Variants in SPIRE1 observed in about 807,000 individuals in gnomAD.
The protein encoded by SPIRE1 is spire type actin nucleation factor 1, also known as protein spire homolog 1.
Under a neutral mutation model 94.1 loss-of-function variants are expected in SPIRE1, and 40 were observed. The ratio of observed to expected loss-of-function variants is 0.43; its 90% confidence interval spans 0.33 to 0.55. The LOEUF (loss-of-function observed/expected upper bound fraction) is 0.55. Ranked by LOEUF, SPIRE1 falls within the 20% of genes least tolerant of loss-of-function variation. The pLI is 0.06. For synonymous variants in SPIRE1, 376 were observed against 371.7 expected (o/e 1.01, Z -0.13); for missense variants, 838 against 975.2 (o/e 0.86, Z 1.87).
At chr18:12,535,402 G>T (rs1357490201) in intron 4 of SPIRE1, 74 bp downstream of exon 4, 2 of 1,478,748 alleles carry the variant, frequency 1.4e-6, no homozygotes, top group African/African-American at 2.8e-5. Context: ...TGAAAATTTA[G>T]GTTTCTCTTC....
chr18:12,584,360 G>A lies in SPIRE1; in HGVS notation c.373-37456C>T, dbSNP rs573949345. On this transcript the variant is annotated intron_variant, in intron 2 of 16. Transcript: ENST00000409402. ...CAGGAGAATCTCTTGAACCTGGGAG[G>A]CAGAGGTTGCAGTGAGCAGAGATAG... is the stretch of plus-strand genomic sequence containing the variant. Among the ~76,000 whole-genome samples the A allele has an allele frequency of 3.0e-4, 46 of 152,014 alleles. 1 individual carries two copies. Among genetic ancestry groups the A allele is most frequent in the Non-Finnish European group, 4.4e-4 (30 of 68,008 alleles).
At chr18:12,543,162 C>G (rs1433784182) in intron 3 of SPIRE1, among the ~76,000 whole-genome samples, 1 of 152,178 alleles carries the variant, frequency 6.6e-6, no homozygotes, top group Non-Finnish European at 1.5e-5. Flanking sequence ...AAATATTCTG[C>G]ATCTCCTAGT....
intron 4 of SPIRE1, among the ~76,000 whole-genome samples, chr18:12,523,766 C>A (rs982997227): frequency 6.6e-6 from 1 of 152,180 alleles, no homozygotes; most frequent in African/African-American, 2.4e-5. Flanking sequence ...ACATGGCAGC[C>A]TTGACCTCCC....
chr18:12,465,018 A>C, intron 10 of SPIRE1, 60 bp from the exon 11 acceptor site: 1 of 1,405,290 alleles, frequency 7.1e-7, no homozygotes, highest in Non-Finnish European at 9.9e-7. Context: ...AGTGCTACGT[A>C]ATAACATTTT....
At chr18:12,536,331 G>A (rs574572741) in intron 3 of SPIRE1, among the ~76,000 whole-genome samples, 28 of 152,202 alleles carry the variant, frequency 1.8e-4, no homozygotes, top group African/African-American at 6.3e-4. Flanking sequence ...ACTCTTCAAT[G>A]TACTGCTGAA....
intron 14 of SPIRE1, among the ~76,000 whole-genome samples, chr18:12,452,808 A>C (rs1226111959): frequency 1.3e-5 from 2 of 152,232 alleles, no homozygotes; most frequent in Non-Finnish European, 2.9e-5. Context: ...CAAACATGAC[A>C]TATTATTAGA....
chr18:12,488,445 T>A (rs72877231), intron 8 of SPIRE1, among the ~76,000 whole-genome samples: 4,700 of 152,256 alleles, frequency 0.031, 133 homozygotes, highest in East Asian at 0.092. Flanking sequence ...TACAGGCATA[T>A]CAGGCACAAT....
chr18:12,611,150 T>A (rs1404233989), intron 2 of SPIRE1, among the ~76,000 whole-genome samples: 1 of 152,150 alleles, frequency 6.6e-6, no homozygotes, highest in Non-Finnish European at 1.5e-5. Context: ...AAAAACTTGC[T>A]AGGGTCCCAC....
chr18:12,529,514 G>A lies in SPIRE1; in HGVS notation c.729+5962C>T, dbSNP rs183117890. 3.3e-5 allele frequency among the ~76,000 whole-genome samples: 5 copies of A among 152,300 alleles called. No individual in the cohort carries two copies. The East Asian group carries it at 5.8e-4, about 18-fold the overall frequency. On this transcript the variant is annotated intron_variant, in intron 4 of 16. Coordinates refer to ENST00000409402, the MANE Select transcript of SPIRE1 (RefSeq NM_001128626.2). Reference sequence around the variant, plus strand: ...AAGGAAGACAACACTTATAAGAAGCGTTTAATATGTCAAGAAACTAAGCAC... The same window carrying A: ...AAGGAAGACAACACTTATAAGAAGCATTTAATATGTCAAGAAACTAAGCAC...
At chr18:12,513,775 G>A (rs1311563349) in intron 4 of SPIRE1, among the ~76,000 whole-genome samples, 2 of 152,080 alleles carry the variant, frequency 1.3e-5, no homozygotes, top group South Asian at 4.2e-4. Flanking sequence ...CACCCGCCTC[G>A]GCCTCCCAAA....
intron 2 of SPIRE1, among the ~76,000 whole-genome samples, chr18:12,565,808 G>C (rs1220288600): frequency 6.6e-6 from 1 of 152,024 alleles, no homozygotes; most frequent in African/African-American, 2.4e-5. Flanking sequence ...GGCCGAGGCA[G>C]GCAGATCATG....
chr18:12,510,395 T>C (rs1266717437), intron 5 of SPIRE1, among the ~76,000 whole-genome samples: 1 of 152,136 alleles, frequency 6.6e-6, no homozygotes, highest in African/African-American at 2.4e-5. Context: ...TATATCTCAA[T>C]AAAAGTTAGA....
intron 3 of SPIRE1, among the ~76,000 whole-genome samples, chr18:12,542,331 T>A (rs1287647281): frequency 6.6e-6 from 1 of 152,206 alleles, no homozygotes; most frequent in Non-Finnish European, 1.5e-5. Flanking sequence ...CAGTATAGAT[T>A]TTGTACTTTC....
upstream of SPIRE1, chr18:12,661,815 T>C (rs1450748712): frequency 1.3e-5 from 2 of 156,710 alleles, no homozygotes; most frequent in African/African-American, 4.8e-5. Context: ...AATGCCTTTA[T>C]GTTCAGGATA....
At chr18:12,487,315 C>A (rs2033072841) in intron 8 of SPIRE1, among the ~76,000 whole-genome samples, 1 of 151,848 alleles carries the variant, frequency 6.6e-6, no homozygotes, top group African/African-American at 2.4e-5. Context: ...TGGTACTATC[C>A]ATGGTTTCAA....
chr18:12,596,194 A>T (rs76142165), intron 2 of SPIRE1, among the ~76,000 whole-genome samples: 2,287 of 152,342 alleles, frequency 0.015, 16 homozygotes, highest in Middle Eastern at 0.031. Flanking sequence ...AGCCATATAT[A>T]TTACCCAACT....
intron 6 of SPIRE1, among the ~76,000 whole-genome samples, chr18:12,504,806 G>A (rs2033776864): frequency 6.6e-6 from 1 of 152,154 alleles, no homozygotes; most frequent in Admixed American, 6.5e-5. Context: ...CTTTTCTAAT[G>A]TGGGAAAACT....
intron 2 of SPIRE1, among the ~76,000 whole-genome samples, chr18:12,626,730 C>T (rs536755535): frequency 1.1e-4 from 17 of 152,086 alleles, no homozygotes; most frequent in African/African-American, 3.9e-4. Flanking sequence ...CTGGCTATGT[C>T]GGCTTGGGCA....
chr18:12,450,104 G>A (rs1454940448), intron 16 of SPIRE1, among the ~76,000 whole-genome samples: 1 of 152,042 alleles, frequency 6.6e-6, no homozygotes, highest in Non-Finnish European at 1.5e-5. Flanking sequence ...GCCTAGTGCG[G>A]TGGCTCACGC....
Sources: gnomAD v4.1 joint callset for allele counts (sites outside exome capture counted in the v4.1 genomes callset) on GRCh38, gnomAD v4.1.1 for gene constraint, MANE v1.5 for transcripts, NCBI Gene and HGNC (gene_info 2026-07-23, HGNC 2026-07-21) for gene names.